ANKFN1: variants seen among roughly 807,000 people sequenced by gnomAD.
ANKFN1 encodes ankyrin repeat and fibronectin type III domain containing 1, also known as ankyrin repeat and fibronectin type-III domain-containing protein 1.
ANKFN1 carries 74 observed loss-of-function variants against 108.7 expected under a neutral mutation model. The observed-to-expected ratio is 0.68, with a 90% confidence interval of 0.56 to 0.83. The LOEUF (loss-of-function observed/expected upper bound fraction) is 0.83. Ranked by LOEUF, ANKFN1 falls within the 40% of genes least tolerant of loss-of-function variation. ANKFN1 has a pLI of 0.00. For missense variants in ANKFN1, 1,505 were observed against 1,382.3 expected (o/e 1.09, Z -1.41); for synonymous variants, 547 against 516.2 (o/e 1.06, Z -0.81).
chr17:56,510,076 A>G (rs551453589), intron 20 of ANKFN1, among the ~76,000 whole-genome samples: 1 of 152,328 alleles, frequency 6.6e-6, no homozygotes, highest in Admixed American at 6.5e-5. Context: ...AAATGCAAAA[A>G]TCATCTCTGA....
chr17:56,490,369 A>G lies in ANKFN1; in HGVS notation c.2261-1818A>G, dbSNP rs371031344. Among the ~76,000 whole-genome samples the G allele has an allele frequency of 2.0e-5, 3 of 152,308 alleles. No individual in the cohort carries two copies. In the East Asian group the frequency reaches 5.8e-4, roughly 29 times the overall value. ...CAAGTTGACCTGGAGGTATTAGTAA[A>G]GAAAGGTATGTGAGGAGGAGGAAAA... On this transcript the variant is annotated intron_variant, in intron 18 of 20. Coordinates refer to ENST00000682825, the MANE Select transcript of ANKFN1 (RefSeq NM_001370326.1).
intron 14 of ANKFN1, among the ~76,000 whole-genome samples, chr17:56,465,358 G>A (rs763131983): frequency 4.6e-5 from 7 of 152,130 alleles, no homozygotes; most frequent in East Asian, 1.9e-4. Context: ...GGTTTCGGCC[G>A]CAGTCCCTAC....
intron 3 of ANKFN1, chr17:56,245,815 G>A (rs1411571798): frequency 1.3e-5 from 2 of 152,092 alleles, no homozygotes; most frequent in Non-Finnish European, 2.9e-5. Context: ...AGCCCTGCTG[G>A]TAATTGGTTT....
intron 4 of ANKFN1, among the ~76,000 whole-genome samples, chr17:56,052,490 A>C (rs1399910417): frequency 6.6e-6 from 1 of 152,232 alleles, no homozygotes; most frequent in African/African-American, 2.4e-5. Flanking sequence ...TTTAAATGGT[A>C]GTATTTAAGA....
chr17:56,166,595 A>G (rs1261641900), intron 1 of ANKFN1, among the ~76,000 whole-genome samples: 1 of 152,054 alleles, frequency 6.6e-6, no homozygotes, highest in Non-Finnish European at 1.5e-5. Flanking sequence ...CGCATTTTGA[A>G]CAGTTCCTCT....
At chr17:56,081,514 A>G (rs1905245947) in intron 4 of ANKFN1, among the ~76,000 whole-genome samples, 1 of 151,752 alleles carries the variant, frequency 6.6e-6, no homozygotes, top group African/African-American at 2.4e-5. Flanking sequence ...CACCACGCCC[A>G]GGTAATTTTT....
chr17:56,280,834 A>C (rs2044061403), intron 3 of ANKFN1, among the ~76,000 whole-genome samples: 1 of 152,180 alleles, frequency 6.6e-6, no homozygotes, highest in Non-Finnish European at 1.5e-5. Flanking sequence ...GTCCCCACCC[A>C]AATCTCATCT....
chr17:56,498,662 T>C (rs1468364888), intron 19 of ANKFN1, among the ~76,000 whole-genome samples: 1 of 152,192 alleles, frequency 6.6e-6, no homozygotes, highest in African/African-American at 2.4e-5. Flanking sequence ...TCTTCTACTA[T>C]TTTCACTAAA....
Position 56,131,480 on chromosome 17 carries a change from A to G in ANKFN1, c.288+85155A>G, listed in dbSNP as rs1465815555. Among the ~76,000 whole-genome samples the G allele has an allele frequency of 3.9e-5, 6 of 152,248 alleles. No homozygotes were observed. The East Asian group carries it at 1.2e-3, about 29-fold the overall frequency. ...TTGTTTCAGTTGGCAAAAATAAAAA[A>G]TAAAAAATCTCTGACTCTAATTTGT... On this transcript the variant is annotated intron_variant, in intron 4 of 12. Transcript: ENST00000635860.
chr17:56,235,894 G>A (rs141862757), intron 3 of ANKFN1, among the ~76,000 whole-genome samples: 52 of 152,208 alleles, frequency 3.4e-4, no homozygotes, highest in African/African-American at 1.1e-3. Flanking sequence ...TGTGAAAAAT[G>A]TCTTTGGTAG....
At chr17:56,272,708 T>C (rs8076461) in intron 3 of ANKFN1, among the ~76,000 whole-genome samples, 12,834 of 152,220 alleles carry the variant, frequency 0.084, 691 homozygotes, top group African/African-American at 0.15. Flanking sequence ...GGATCATATA[T>C]TAATTCTATT....
At chr17:56,068,049 C>G (rs1424341280) in intron 4 of ANKFN1, among the ~76,000 whole-genome samples, 1 of 152,108 alleles carries the variant, frequency 6.6e-6, no homozygotes, top group Non-Finnish European at 1.5e-5. Context: ...ACAAGTATTC[C>G]TTATTACTGC....
chr17:56,323,614 T>C (rs578249450), intron 3 of ANKFN1: 1 of 152,608 alleles, frequency 6.6e-6, no homozygotes, highest in South Asian at 2.1e-4. Flanking sequence ...CTTCTGTGGA[T>C]GGTCACTTGG....
intron 8 of ANKFN1, among the ~76,000 whole-genome samples, chr17:56,418,202 A>G (rs2048297604): frequency 6.6e-6 from 1 of 152,158 alleles, no homozygotes; most frequent in African/African-American, 2.4e-5. Context: ...AAACTATTTG[A>G]CACTGTGGTG....
chr17:56,404,485 G>C (rs531865003), intron 8 of ANKFN1, among the ~76,000 whole-genome samples: 3 of 152,120 alleles, frequency 2.0e-5, no homozygotes, highest in African/African-American at 7.2e-5. Context: ...ATTTCTAAAA[G>C]TGTGTCCAAA....
At chr17:56,086,136 G>C (rs1244812034) in intron 4 of ANKFN1, among the ~76,000 whole-genome samples, 1 of 151,174 alleles carries the variant, frequency 6.6e-6, no homozygotes, top group Non-Finnish European at 1.5e-5. Flanking sequence ...GCCAGGTGCA[G>C]TGCCGCACAC....
chr17:56,380,551 C>T (rs945220484), intron 8 of ANKFN1, among the ~76,000 whole-genome samples: 5 of 152,194 alleles, frequency 3.3e-5, no homozygotes, highest in Non-Finnish European at 4.4e-5. Context: ...GGGTGACAGA[C>T]GGCACCTGGA....
At chr17:56,506,044 G>GT (rs199711709) in intron 20 of ANKFN1, among the ~76,000 whole-genome samples, 1,888 of 44,848 alleles carry the variant, frequency 0.042, 40 homozygotes, top group African/African-American at 0.056. Context: ...GACATTATTT[G>GT]TTTTTTTTGT....
intron 1 of ANKFN1, among the ~76,000 whole-genome samples, chr17:56,156,358 G>A (rs1909119768): frequency 6.6e-6 from 1 of 152,210 alleles, no homozygotes; most frequent in African/African-American, 2.4e-5. Context: ...AAAGTGCTGG[G>A]ATTGCAGGTG....
Sources: gnomAD v4.1 joint callset for allele counts (sites outside exome capture counted in the v4.1 genomes callset) on GRCh38, gnomAD v4.1.1 for gene constraint, MANE v1.5 for transcripts, NCBI Gene and HGNC (gene_info 2026-07-23, HGNC 2026-07-21) for gene names.